YEATS2: variants seen among roughly 807,000 people sequenced by gnomAD.
YEATS2 encodes YEATS domain-containing protein 2.
In YEATS2, 77 loss-of-function variants were observed where a neutral mutation model predicts 163.2. That is an observed-to-expected ratio of 0.47 (90% CI 0.39 to 0.57). The LOEUF is 0.57. Ranked by LOEUF, YEATS2 falls within the 20% of genes least tolerant of loss-of-function variation. YEATS2 has a pLI of 0.00. For missense variants in YEATS2, 1,549 were observed against 1,729.8 expected (o/e 0.90, Z 1.85); for synonymous variants, 631 against 645.1 (o/e 0.98, Z 0.33).
chr3:183,786,430 A>C (rs1724073778), intron 20 of YEATS2, 129 bp downstream of exon 20: 2 of 878,760 alleles, frequency 2.3e-6, no homozygotes, highest in Admixed American at 6.0e-5. Flanking sequence ...TTTTTAAAGA[A>C]ATATTCACAT....
chr3:183,748,236 T>C (rs1577104604), intron 9 of YEATS2, among the ~76,000 whole-genome samples: 1 of 139,884 alleles, frequency 7.1e-6, no homozygotes, highest in African/African-American at 2.6e-5. Flanking sequence ...CCCCTTCCCC[T>C]TGTCCCCTCC....
rs549168932 is a variant in YEATS2, at chr3:183,749,392, G to A, written c.969+1676G>A. Among the ~76,000 whole-genome samples the A allele has an allele frequency of 3.9e-5, 6 of 151,954 alleles. No homozygotes were observed. The South Asian group carries it at 6.2e-4, about 16-fold the overall frequency. ...TTAGTCCATCTTTAGAACTGTTTTC[G>A]TCTTGCAGAGCTGAAACTCTGTACC... On this transcript the variant is annotated intron_variant, in intron 9 of 30. Transcript: ENST00000305135.
intron 19 of YEATS2, among the ~76,000 whole-genome samples, chr3:183,778,288 A>G (rs1281027424): frequency 6.6e-6 from 1 of 152,226 alleles, no homozygotes; most frequent in Non-Finnish European, 1.5e-5. Flanking sequence ...ATCAAGGTAT[A>G]AATGTGATAG....
chr3:183,762,290 G>C lies in YEATS2; in HGVS notation c.1947+11G>C. ...GTTCAGCCCTCCAAGGTTTGTGTTG[G>C]GTAGAGATGGGAAATTTCACATGTA... On this transcript the variant is annotated intron_variant, in intron 15 of 30. Transcript: ENST00000305135. 1.3e-6 allele frequency: 2 copies of C among 1,557,778 alleles called. No individual in the cohort carries two copies. The highest frequency in any genetic ancestry group is 1.7e-6 in the Non-Finnish European group (2 of 1,152,772).
At chr3:183,707,166 G>A (rs184089334) in intron 1 of YEATS2, among the ~76,000 whole-genome samples, 360 of 152,126 alleles carry the variant, frequency 2.4e-3, no homozygotes, top group Middle Eastern at 0.01. Context: ...AGGCATCTTG[G>A]GTAAGGAATA....
In YEATS2 at chr3:183,714,499, AT is replaced by A. The variant is rs928110039; in HGVS notation, c.-19-635del. Among the ~76,000 whole-genome samples the A allele has an allele frequency of 8.7e-4, 128 of 147,256 alleles. No homozygotes were observed. The Middle Eastern group carries it at 0.01, about 12-fold the overall frequency. On this transcript the variant is annotated intron_variant, in intron 1 of 30. Coordinates refer to ENST00000305135, the MANE Select transcript of YEATS2 (RefSeq NM_018023.5). Reference sequence around the variant, plus strand: ...GCGTGAGCCACCGTGCCCGGCCGGGATTTTTTTTTTAATGGGATTGTTTTAT... The same window carrying A: ...GCGTGAGCCACCGTGCCCGGCCGGGATTTTTTTTTAATGGGATTGTTTTAT...
chr3:183,747,606 G>T (rs534321236), intron 8 of YEATS2, 66 bp from the exon 9 acceptor site: 1 of 1,381,788 alleles, frequency 7.2e-7, no homozygotes, highest in Non-Finnish European at 1.0e-6. Flanking sequence ...GATAAAGATT[G>T]TATCCTATGA....
At position 183,800,473 on chromosome 3, in the gene YEATS2, T is replaced by G; in HGVS notation, c.3333T>G (p.Thr1111=). Residue 1111 remains threonine, a synonymous_variant, in exon 24 of 31, where the codon ACT becomes ACG. Transcript: ENST00000305135. The part of the protein sequence containing the change: ...SAPAAVAKVK[T]EPETPGPSCL... ...GTTGCTCTTCCCTTGTAGTGAAGACTGAACCAGAAACACCTGGACCGAGTT... is the reference window on the plus strand; with the variant it reads ...GTTGCTCTTCCCTTGTAGTGAAGACGGAACCAGAAACACCTGGACCGAGTT... 6.2e-7 allele frequency: 1 copy of G among 1,613,930 alleles called. No individual in the cohort carries two copies. Among genetic ancestry groups the G allele is most frequent in the Non-Finnish European group, 8.5e-7 (1 of 1,179,876 alleles).
At chr3:183,763,675 A>G (rs1287170977) in intron 15 of YEATS2, among the ~76,000 whole-genome samples, 1 of 152,168 alleles carries the variant, frequency 6.6e-6, no homozygotes, top group Non-Finnish European at 1.5e-5. Flanking sequence ...CCATTTCAGA[A>G]CTAATGAAAA....
In YEATS2 at chr3:183,804,179, A is replaced by T. The variant is rs759138193; in HGVS notation, c.3775A>T (p.Ser1259Cys). The T allele has an allele frequency of 7.4e-6, 12 of 1,614,126 alleles. No homozygotes were observed. Among genetic ancestry groups the T allele is most frequent in the Non-Finnish European group, 8.5e-6 (10 of 1,180,026 alleles). ...SIEDVLTQIDSEPECPSSFSS... is the reference protein window; with the variant it reads ...SIEDVLTQIDCEPECPSSFSS... ...CGAGGACGTGCTGACCCAGATCGAC[A>T]GCGAGCCCGGTAAGCCTTCAGTGGC... Residue 1259 changes from serine to cysteine, a missense_variant, in exon 27 of 31, where the codon AGC becomes TGC. Physicochemically the swap from Ser to Cys is moderately radical, Grantham distance 112 (BLOSUM62 -1). Transcript: ENST00000305135.
At position 183,778,133 on chromosome 3, in the gene YEATS2, A is replaced by AAAG. The variant is rs1560304446; in HGVS notation, c.2736+435_2736+436insGAA. On this transcript the variant is annotated intron_variant, in intron 19 of 30. Transcript: ENST00000305135. ...TCTCAAAAAAAAAAAAAAAAAGAAA[A>AAAG]AAAAAGAAAAAATGAACAATAAAAA... 1.3e-5 allele frequency among the ~76,000 whole-genome samples: 2 copies of AAAG among 151,160 alleles called. 1 individual carries two copies. The highest frequency in any genetic ancestry group is 3.0e-5 in the Non-Finnish European group (2 of 67,780).
intron 20 of YEATS2, among the ~76,000 whole-genome samples, chr3:183,789,329 A>G (rs1724361895): frequency 6.6e-6 from 1 of 152,062 alleles, no homozygotes; most frequent in Non-Finnish European, 1.5e-5. Context: ...ATTCTTCTGC[A>G]TAAAGATATC....
chr3:183,804,210 C>A, intron 27 of YEATS2, 22 bp downstream of exon 27: 1 of 1,613,336 alleles, frequency 6.2e-7, no homozygotes, highest in African/African-American at 1.3e-5. Flanking sequence ...GTGGCACTGC[C>A]CAGAGCGCCT....
At chr3:183,726,748 C>T (rs767033410) in intron 6 of YEATS2, among the ~76,000 whole-genome samples, 33 of 152,112 alleles carry the variant, frequency 2.2e-4, no homozygotes, top group Middle Eastern at 6.8e-3. Context: ...GTATATTTTT[C>T]TCAAATCAGA....
intron 8 of YEATS2, among the ~76,000 whole-genome samples, 159 bp downstream of exon 8, chr3:183,736,988 C>T (rs1577082613): frequency 6.6e-6 from 1 of 152,198 alleles, no homozygotes; most frequent in African/African-American, 2.4e-5. Context: ...CTACTGTTGA[C>T]TGCAAGCCTT....
chr3:183,701,924 C>T (rs1370960075), intron 1 of YEATS2, among the ~76,000 whole-genome samples: 1 of 152,142 alleles, frequency 6.6e-6, no homozygotes, highest in Non-Finnish European at 1.5e-5. Context: ...ATAAACAGCC[C>T]TTGCCTAGAA....
chr3:183,737,187 A>G (rs1397891855), intron 8 of YEATS2, among the ~76,000 whole-genome samples: 1 of 152,204 alleles, frequency 6.6e-6, no homozygotes, highest in East Asian at 1.9e-4. Flanking sequence ...CCATCTTCAC[A>G]TTGAGTAGGC....
intron 19 of YEATS2, among the ~76,000 whole-genome samples, chr3:183,778,111 CA>C (rs569250141): frequency 1.4e-3 from 77 of 56,394 alleles, no homozygotes; most frequent in South Asian, 3.6e-3. Flanking sequence ...GATTCTGTCT[CA>C]AAAAAAAAAA....
intron 1 of YEATS2, among the ~76,000 whole-genome samples, chr3:183,700,244 CATG>C (rs1028673061): frequency 5.1e-4 from 78 of 152,246 alleles, no homozygotes; most frequent in African/African-American, 1.8e-3. Context: ...TCAGTGGATG[CATG>C]ATATTTTACT....
Sources: gnomAD v4.1 joint callset for allele counts (sites outside exome capture counted in the v4.1 genomes callset) on GRCh38, gnomAD v4.1.1 for gene constraint, MANE v1.5 for transcripts, NCBI Gene and HGNC (gene_info 2026-07-23, HGNC 2026-07-21) for gene names.